CNTFR: variants seen among roughly 807,000 people sequenced by gnomAD.
CNTFR encodes the protein ciliary neurotrophic factor receptor, also known as ciliary neurotrophic factor receptor subunit alpha.
In CNTFR, 12 loss-of-function variants were observed where a neutral mutation model predicts 40.4. The ratio of observed to expected loss-of-function variants is 0.30; its 90% CI spans 0.19 to 0.48. CNTFR has a LOEUF of 0.48. Among genes scored for constraint, CNTFR ranks in the 20% least tolerant of loss-of-function variants. The pLI, the probability that CNTFR is intolerant of heterozygous loss-of-function variation, is 0.99. For missense variants in CNTFR, 414 were observed against 506.8 expected (o/e 0.82, Z 1.76); for synonymous variants, 202 against 209.6 (o/e 0.96, Z 0.31).
Position 34,564,671 on chromosome 9 carries a change from G to C in CNTFR, c.247C>G (p.His83Asp). 1 of 1,613,960 alleles carries C rather than the reference G, an allele frequency of 6.2e-7. No individual in the cohort carries two copies. The highest frequency in any genetic ancestry group is 2.2e-5 in the East Asian group (1 of 44,874). Residue 83 changes from histidine (H) to aspartate (D), a missense_variant, in exon 4 of 10, where the codon CAC becomes GAC. This residue lies in a region of CNTFR where 250 missense variants were observed against 269.5 expected (regional missense o/e 0.93). Transcript: ENST00000378980. ...QLVLHGLELG[H>D]SGLYACFHRD... ...TGGAAGCAGGCGTAGAGGCCACTGTGGCCCAGTTCCAGGCCATGGAGCACC... is the reference window on the plus strand; with the variant it reads ...TGGAAGCAGGCGTAGAGGCCACTGTCGCCCAGTTCCAGGCCATGGAGCACC...
rs1184179994 is a variant in CNTFR, at chr9:34,552,087, G to C, written c.*-16C>G. ...GTGCCGGGCTCTGTAGAGACAGGCA[G>C]GGGCCTGTCAGGGAGGGGGCTGGAG... On this transcript the variant is annotated splice_polypyrimidine_tract_variant and intron_variant, in intron 9 of 9. Transcript: ENST00000378980. This position sits in a 1 kb window ranked among gnomAD's most constrained non-coding sequence, Gnocchi z 5.1. 1.3e-6 allele frequency: 2 copies of C among 1,559,976 alleles called. No homozygotes were observed. The highest frequency in any genetic ancestry group is 1.7e-5 in the Admixed American group (1 of 58,530).
chr9:34,558,996 G>C (rs1825960679), intron 4 of CNTFR, among the ~76,000 whole-genome samples: 1 of 152,192 alleles, frequency 6.6e-6, no homozygotes, highest in Non-Finnish European at 1.5e-5. Flanking sequence ...AGGCGGCTCA[G>C]GTTCCTGGAA....
chr9:34,566,794 A>G (rs1826317714), intron 3 of CNTFR, among the ~76,000 whole-genome samples: 1 of 152,222 alleles, frequency 6.6e-6, no homozygotes, highest in African/African-American at 2.4e-5. Flanking sequence ...ACGAGGACAC[A>G]GCAACCGAAC....
rs1242516200 is a variant in CNTFR, at chr9:34,589,195, A to G, written c.-112+360T>C. ...AGAAAGAAGCCACCTTTGGGCGCGC[A>G]AAGGCCACTACGAACCTCCCCAAAC... On this transcript the variant is annotated intron_variant, in intron 1 of 9. Transcript: ENST00000378980. This position sits in a 1 kb window ranked among gnomAD's most constrained non-coding sequence, Gnocchi z 4.4. 1.3e-5 allele frequency among the ~76,000 whole-genome samples: 2 copies of G among 151,974 alleles called. No individual in the cohort carries two copies. The highest frequency in any genetic ancestry group is 1.9e-4 in the East Asian group (1 of 5,138).
chr9:34,565,251 G>A (rs898872603), intron 3 of CNTFR, among the ~76,000 whole-genome samples: 1 of 151,960 alleles, frequency 6.6e-6, no homozygotes, highest in Non-Finnish European at 1.5e-5. Context: ...AGTTACTGAC[G>A]TCCATTATTA....
In CNTFR at chr9:34,564,751, G is replaced by A. The variant is rs760145709; in HGVS notation, c.167C>T (p.Thr56Met). 2.0e-5 allele frequency: 32 copies of A among 1,614,048 alleles called. No individual in the cohort carries two copies. The highest frequency in any genetic ancestry group is 3.3e-5 in the Admixed American group (2 of 60,008). Reference sequence around the variant, plus strand: ...CAGGTCTGTCCCATTTACCCGCCACGTCACCGCAGCATCCCAGTTTGCTGT... The same window carrying A: ...CAGGTCTGTCCCATTTACCCGCCACATCACCGCAGCATCCCAGTTTGCTGT... ...CGTANWDAAVTWRVNGTDLAP... is the reference protein window; with the variant it reads ...CGTANWDAAVMWRVNGTDLAP... Residue 56 changes from threonine to methionine, a missense_variant, in exon 4 of 10, where the codon ACG becomes ATG. Physicochemically the swap from Thr to Met is moderately conservative, Grantham distance 81. This residue lies in a region of CNTFR where 250 missense variants were observed against 269.5 expected (regional missense o/e 0.93). Transcript: ENST00000378980.
At chr9:34,579,328 C>A (rs1309383197) in intron 2 of CNTFR, among the ~76,000 whole-genome samples, 5 of 152,022 alleles carry the variant, frequency 3.3e-5, no homozygotes, top group Non-Finnish European at 7.4e-5. Context: ...CCGCCTAATG[C>A]GCTTTATCAG....
At position 34,557,987 on chromosome 9, in the gene CNTFR, G is replaced by A. The variant is rs1825918577; in HGVS notation, c.320-3C>T. ...GAGCACAGGCTCCCGCGGCGGCACT[G>A]GGGGTGAGGACAGTATGGTCAGGGC... is the stretch of plus-strand genomic sequence containing the variant. On this transcript the variant is annotated splice_region_variant and splice_polypyrimidine_tract_variant and intron_variant, in intron 4 of 9. Coordinates refer to ENST00000378980, the MANE Select transcript of CNTFR (RefSeq NM_147164.3). This position sits in a 1 kb window ranked among gnomAD's most constrained non-coding sequence, Gnocchi z 4.2. 6 of 1,539,158 alleles carry A rather than the reference G, an allele frequency of 3.9e-6. No homozygotes were observed. Among genetic ancestry groups the A allele is most frequent in the Non-Finnish European group, 5.3e-6 (6 of 1,141,738 alleles).
intron 2 of CNTFR, among the ~76,000 whole-genome samples, chr9:34,572,370 C>T (rs1826704602): frequency 6.6e-6 from 1 of 152,148 alleles, no homozygotes; most frequent in Admixed American, 6.5e-5. Flanking sequence ...TTTTCCAAGT[C>T]CACACCCCAT....
At chr9:34,585,282 C>T (rs1216110444) in intron 1 of CNTFR, among the ~76,000 whole-genome samples, 3 of 152,096 alleles carry the variant, frequency 2.0e-5, no homozygotes, top group Non-Finnish European at 2.9e-5. Context: ...CTGGGTGTCA[C>T]GTGGGGAAAG....
At chr9:34,558,066 C>A (rs1825922197) in intron 4 of CNTFR, 82 bp from the exon 5 acceptor site, 14 of 959,596 alleles carry the variant, frequency 1.5e-5, no homozygotes, top group Non-Finnish European at 2.1e-5. Context: ...GGCCCCAGAG[C>A]CCCAGCTCTC....
intron 2 of CNTFR, among the ~76,000 whole-genome samples, chr9:34,571,991 C>T (rs1826684558): frequency 6.6e-6 from 1 of 151,984 alleles, no homozygotes; most frequent in Non-Finnish European, 1.5e-5. Context: ...GGTCTCTGCC[C>T]ACCCTAGAGC....
At chr9:34,572,271 G>A (rs957527806) in intron 2 of CNTFR, among the ~76,000 whole-genome samples, 2 of 152,050 alleles carry the variant, frequency 1.3e-5, no homozygotes, top group African/African-American at 4.8e-5. Context: ...TTGGGAGGCT[G>A]AAGCCAGAGG....
At chr9:34,558,648 A>T (rs917862341) in intron 4 of CNTFR, among the ~76,000 whole-genome samples, 2 of 152,128 alleles carry the variant, frequency 1.3e-5, no homozygotes, top group Non-Finnish European at 2.9e-5. Context: ...ATGTCTATGT[A>T]TGATTGTGTG....
At chr9:34,575,811 C>A (rs940918273) in intron 2 of CNTFR, among the ~76,000 whole-genome samples, 1 of 152,066 alleles carries the variant, frequency 6.6e-6, no homozygotes, top group African/African-American at 2.4e-5. Context: ...AAAGAAGCTT[C>A]AAATGTCTTC....
Position 34,551,811 on chromosome 9 carries a change from A to C in CNTFR, c.*260T>G. 1.6e-6 allele frequency: 1 copy of C among 607,162 alleles called. No individual in the cohort carries two copies. The allele number at this position is 607,162 out of a possible 1,614,324, so 37.6% of individuals were successfully genotyped here. ...CGCTGGCATTGGAGGGTCCAGCCCA[A>C]GGGGCCAGGGTGAGGGGGTCTTTGG... On this transcript the variant is annotated 3_prime_UTR_variant, in exon 10 of 10. Coordinates refer to ENST00000378980, the MANE Select transcript of CNTFR (RefSeq NM_147164.3).
intron 4 of CNTFR, among the ~76,000 whole-genome samples, chr9:34,562,732 A>C (rs1341245673): frequency 6.6e-6 from 1 of 152,212 alleles, no homozygotes; most frequent in African/African-American, 2.4e-5. Flanking sequence ...GGAGAAAAGA[A>C]ATGAAGAAAT....
chr9:34,574,826 C>T (rs1326030138), intron 2 of CNTFR, among the ~76,000 whole-genome samples: 2 of 152,348 alleles, frequency 1.3e-5, no homozygotes, highest in Middle Eastern at 3.4e-3. Flanking sequence ...TCAGCATGTG[C>T]GTGCCCTGCT....
chr9:34,568,899 T>C lies in CNTFR; in HGVS notation c.83A>G (p.Gln28Arg), dbSNP rs750613000. ...AGGCGGCTCCCGTGAGCACTCACCC[T>C]GTGGACTGTGTCTCTGGGCGTAGAC... is the stretch of plus-strand genomic sequence containing the variant. ...AVVYAQRHSP[Q>R]EAPHVQYERL... is the part of the protein sequence containing the mutation. The change falls in exon 3 of 10, where the codon CAG becomes CGG. Residue 28 changes from glutamine to arginine, a missense_variant and splice_region_variant. By Grantham distance (43) the Gln-to-Arg change is conservative. This residue lies in a region of CNTFR where 250 missense variants were observed against 269.5 expected (regional missense o/e 0.93). Transcript: ENST00000378980. 3.8e-6 allele frequency: 6 copies of C among 1,588,882 alleles called. No homozygotes were observed. The African/African-American group carries it at 5.4e-5, about 14-fold the overall frequency.
Sources: gnomAD v4.1 joint callset for allele counts (sites outside exome capture counted in the v4.1 genomes callset) on GRCh38, gnomAD v4.1.1 for gene constraint, gnomAD v4.1.1 regional missense constraint, Gnocchi (gnomAD v3.1) non-coding constraint, MANE v1.5 for transcripts, NCBI Gene and HGNC (gene_info 2026-07-23, HGNC 2026-07-21) for gene names.